The following TMPRSS11A variants were observed in gnomAD, a reference collection of about 807,000 sequenced individuals.
TMPRSS11A encodes the protein transmembrane serine protease 11A.
In TMPRSS11A, 53 loss-of-function variants were observed where a neutral mutation model predicts 58.9. That is an observed-to-expected ratio of 0.90 (90% CI 0.72 to 1.13). The LOEUF (loss-of-function observed/expected upper bound fraction) is 1.13, where lower values mean the gene tolerates loss of function less well. Ranked by LOEUF, TMPRSS11A falls within the 50% of genes most tolerant of loss-of-function variation. The pLI is 0.00. For missense variants in TMPRSS11A, 493 were observed against 499.3 expected, an observed-to-expected ratio of 0.99 and a Z score of 0.12; for synonymous variants, 167 against 169.8, an observed-to-expected ratio of 0.98 and a Z score of 0.13.
intron 5 of TMPRSS11A, among the ~76,000 whole-genome samples, chr4:67,925,671 C>T (rs150115286): frequency 2.1e-4 from 32 of 152,218 alleles, no homozygotes; most frequent in South Asian, 6.2e-4. Context: ...CTCAGTTTAC[C>T]GTCAAATGTA....
chr4:67,960,056 C>T (rs879806654), intron 1 of TMPRSS11A, among the ~76,000 whole-genome samples: 24 of 152,124 alleles, frequency 1.6e-4, no homozygotes, highest in Admixed American at 9.2e-4. Context: ...CAAACTAATG[C>T]AGGAACAGAA....
intron 7 of TMPRSS11A, among the ~76,000 whole-genome samples, chr4:67,920,527 T>TTATATATATA (rs1180319358): frequency 2.2e-4 from 29 of 132,722 alleles, no homozygotes; most frequent in East Asian, 4.9e-4. Flanking sequence ...AATGAGGTAA[T>TTATATATATA]TATATATATA....
intron 2 of TMPRSS11A, 101 bp downstream of exon 2, chr4:67,946,349 T>A (rs971793349): frequency 8.0e-7 from 1 of 1,254,196 alleles, no homozygotes; most frequent in African/African-American, 1.5e-5. Flanking sequence ...AATTTGAAGG[T>A]AAATGTGCAA....
intron 1 of TMPRSS11A, among the ~76,000 whole-genome samples, chr4:67,959,572 G>C (rs1721374254): frequency 6.6e-6 from 1 of 152,070 alleles, no homozygotes; most frequent in Non-Finnish European, 1.5e-5. Flanking sequence ...AAGACATACA[G>C]GTGGACAACA....
At position 67,910,526 on chromosome 4, in the gene TMPRSS11A, G is replaced by T. The variant is rs1719937213; in HGVS notation, c.*816C>A. The T allele has an allele frequency of 6.6e-6, 1 of 152,010 alleles. No individual in the cohort carries two copies. The highest frequency in any genetic ancestry group is 6.6e-5 in the Admixed American group (1 of 15,264). 9.4% of individuals were successfully genotyped at this position (152,010 alleles called of 1,614,324 possible). ...GTGGTCAAAATATGTAAGTGCATCTGTGAAATGTCAAATTTCTTATGCCGG... is the reference window on the plus strand; with the variant it reads ...GTGGTCAAAATATGTAAGTGCATCTTTGAAATGTCAAATTTCTTATGCCGG... On this transcript the variant is annotated 3_prime_UTR_variant, in exon 10 of 10. Coordinates refer to ENST00000508048, the MANE Select transcript of TMPRSS11A (RefSeq NM_001114387.2).
intron 1 of TMPRSS11A, among the ~76,000 whole-genome samples, chr4:67,957,140 G>A (rs143409383): frequency 0.013 from 2,034 of 152,266 alleles, 51 homozygotes; most frequent in African/African-American, 0.047. Flanking sequence ...AAATTGCCCA[G>A]TCTCAGGTAT....
rs995058752 is a variant in TMPRSS11A at position 67,909,877 on chromosome 4, T to C, written c.*1465A>G. The C allele has an allele frequency of 3.3e-5, 5 of 152,104 alleles. No homozygotes were observed. Among genetic ancestry groups the C allele is most frequent in the Admixed American group, 2.0e-4 (3 of 15,276 alleles). 9.4% of individuals were successfully genotyped at this position (152,104 alleles called of 1,614,324 possible). On this transcript the variant is annotated 3_prime_UTR_variant, in exon 10 of 10. Coordinates refer to ENST00000508048, the MANE Select transcript of TMPRSS11A (RefSeq NM_001114387.2). ...AGCTTTAAAATTCTATGAGTCTAAA[T>C]TATGAATCAAGTGTTTTATGAGTGA...
intron 1 of TMPRSS11A, among the ~76,000 whole-genome samples, chr4:67,961,147 T>C (rs961346341): frequency 3.3e-5 from 5 of 152,208 alleles, no homozygotes; most frequent in African/African-American, 1.2e-4. Context: ...AGGTTCATGA[T>C]AGCAGAAAGA....
intron 1 of TMPRSS11A, among the ~76,000 whole-genome samples, chr4:67,956,823 G>T (rs1721302267): frequency 1.3e-5 from 2 of 152,130 alleles, no homozygotes; most frequent in Admixed American, 6.5e-5. Context: ...ATATGGCAGT[G>T]ATACAGTTTG....
chr4:67,955,227 G>A (rs910078290), intron 1 of TMPRSS11A, among the ~76,000 whole-genome samples: 1 of 152,148 alleles, frequency 6.6e-6, no homozygotes, highest in South Asian at 2.1e-4. Flanking sequence ...GGAAGATGCT[G>A]TTTAATTAGT....
In TMPRSS11A at chr4:67,922,810, C is replaced by T. The variant is rs1720364395; in HGVS notation, c.637G>A (p.Gly213Arg). The T allele has an allele frequency of 1.2e-6, 2 of 1,614,028 alleles. No homozygotes were observed. The highest frequency in any genetic ancestry group is 1.7e-5 in the Admixed American group (1 of 59,998). Residue 213 changes from glycine (G) to arginine (R), a missense_variant, in exon 7 of 10, where the codon GGG becomes AGG. By Grantham distance (125) the Gly-to-Arg change is moderately radical. Coordinates refer to ENST00000508048, the MANE Select transcript of TMPRSS11A (RefSeq NM_001114387.2). ...SLQYDNIHQC[G>R]ATLISNTWLV... ...CATGTGTTACTAATCAAGGTGGCCC[C>T]ACACTGATGGATGTTATCATACTGA...
Position 67,932,039 on chromosome 4 carries a change from A to G in TMPRSS11A, c.274T>C (p.Ser92Pro). The change falls in exon 4 of 10, where the codon TCA (serine) becomes CCA (proline). Residue 92 changes from serine to proline, a missense_variant. By Grantham distance (74) the Ser-to-Pro change is moderately conservative (BLOSUM62 -1). Transcript: ENST00000508048. ...TTGATATAATTTTTCTTCCAGGCTG[A>G]ATCTATAAATATCTCATCCACCTGT... ...ENLVDEIFID[S>P]AWKKNYIKNQ... 1 of 1,593,182 alleles carries G rather than the reference A, an allele frequency of 6.3e-7. No individual in the cohort carries two copies. Among genetic ancestry groups the G allele is most frequent in the South Asian group, 1.1e-5 (1 of 90,494 alleles).
chr4:67,931,540 T>C (rs1238878649), intron 4 of TMPRSS11A, among the ~76,000 whole-genome samples: 2 of 152,228 alleles, frequency 1.3e-5, no homozygotes, highest in African/African-American at 4.8e-5. Context: ...TGTTTAGGCA[T>C]GCCTTATGTC....
chr4:67,933,604 TAAAG>T (rs1258029476), intron 3 of TMPRSS11A, among the ~76,000 whole-genome samples: 1 of 152,150 alleles, frequency 6.6e-6, no homozygotes, highest in Non-Finnish European at 1.5e-5. Flanking sequence ...GGTACTTAAA[TAAAG>T]AAAGCCCCAT....
chr4:67,935,198 T>C (rs1227509246), intron 3 of TMPRSS11A, among the ~76,000 whole-genome samples: 1 of 152,262 alleles, frequency 6.6e-6, no homozygotes, highest in Non-Finnish European at 1.5e-5. Context: ...TTTGAGCCTC[T>C]GTCCACAATG....
In TMPRSS11A at chr4:67,956,865, T is replaced by G. The variant is rs139910848; in HGVS notation, c.11+6518A>C. Among the ~76,000 whole-genome samples, 407 of 152,336 alleles carry G rather than the reference T, an allele frequency of 2.7e-3. 4 individuals are homozygous for G. Among genetic ancestry groups the G allele is most frequent in the African/African-American group, 7.7e-3 (320 of 41,580 alleles). On this transcript the variant is annotated intron_variant, in intron 1 of 9. Coordinates refer to ENST00000508048, the MANE Select transcript of TMPRSS11A (RefSeq NM_001114387.2). ...TCCCCACCCATATCTTAGCTTGAAT[T>G]GTACCTCCCACAATTCCCATATGTT...
At chr4:67,924,028 A>G (rs1577855535) in intron 6 of TMPRSS11A, 100 bp downstream of exon 6, 1 of 985,004 alleles carries the variant, frequency 1.0e-6, no homozygotes. Context: ...TATCTCTCAA[A>G]GAAAATCTGG....
rs1364229772 is a variant in TMPRSS11A at position 67,919,159 on chromosome 4, T to C, written c.766A>G (p.Arg256Gly). Reference protein sequence around the residue: ...INPPLMKRNVRRFIIHEKYRS... With the variant: ...INPPLMKRNVGRFIIHEKYRS... Reference sequence around the variant, plus strand: ...TACTTCTCATGGATAATAAATCTTCTGACATTTCTTTTCATTAAGGGAGGG... The same window carrying C: ...TACTTCTCATGGATAATAAATCTTCCGACATTTCTTTTCATTAAGGGAGGG... Residue 256 changes from arginine (R) to glycine (G), a missense_variant, in exon 8 of 10, where the codon AGA (arginine) becomes GGA (glycine). Coordinates refer to ENST00000508048, the MANE Select transcript of TMPRSS11A (RefSeq NM_001114387.2). 11 of 1,614,202 alleles carry C rather than the reference T, an allele frequency of 6.8e-6. No homozygotes were observed. The highest frequency in any genetic ancestry group is 9.3e-6 in the Non-Finnish European group (11 of 1,180,022).
At chr4:67,962,043 A>T (rs1721442607) in intron 1 of TMPRSS11A, among the ~76,000 whole-genome samples, 1 of 152,350 alleles carries the variant, frequency 6.6e-6, no homozygotes, top group Non-Finnish European at 1.5e-5. Flanking sequence ...TCATGATTCT[A>T]TAAACATGGA....
Sources: allele counts gnomAD v4.1 joint callset (sites outside exome capture counted in the v4.1 genomes callset), GRCh38; gene constraint gnomAD v4.1.1; transcripts MANE v1.5; gene names NCBI Gene and HGNC (gene_info 2026-07-23, HGNC 2026-07-21).